NRXN1: variants seen among roughly 807,000 people sequenced by gnomAD.
NRXN1 encodes the protein neurexin-1.
In NRXN1, 39 loss-of-function variants were observed where a neutral mutation model predicts 150.9. The observed-to-expected ratio is 0.26, with a 90% CI of 0.20 to 0.34. The LOEUF is 0.34. NRXN1 is among the 10% of genes least tolerant of loss of function. The pLI is 1.00. For synonymous variants in NRXN1, 924 were observed against 757.0 expected, an observed-to-expected ratio of 1.22 and a Z score of -3.62; for missense variants, 1,815 against 1,949.9, an observed-to-expected ratio of 0.93 and a Z score of 1.30.
intron 21 of NRXN1, among the ~76,000 whole-genome samples, chr2:49,958,883 A>G (rs1401584857): frequency 6.6e-6 from 1 of 152,124 alleles, no homozygotes; most frequent in Admixed American, 6.6e-5. Context: ...CTGGAAATCC[A>G]GATAATCAAA....
At chr2:50,047,238 C>T (rs1437423109) in intron 21 of NRXN1, among the ~76,000 whole-genome samples, 3 of 151,902 alleles carry the variant, frequency 2.0e-5, no homozygotes, top group African/African-American at 2.4e-5. Context: ...GGTAAGTTAG[C>T]TTTTCTATGC....
chr2:50,617,549 G>C (rs988840534), intron 8 of NRXN1, among the ~76,000 whole-genome samples: 2 of 152,090 alleles, frequency 1.3e-5, no homozygotes, highest in African/African-American at 4.8e-5. Flanking sequence ...GATTACACAA[G>C]TCAAGAAAAA....
chr2:50,025,626 T>C (rs2152563295), intron 21 of NRXN1, among the ~76,000 whole-genome samples: 1 of 152,316 alleles, frequency 6.6e-6, no homozygotes, highest in African/African-American at 2.4e-5. Flanking sequence ...TTGAAAATGC[T>C]TTGGGGTATC....
intron 5 of NRXN1, among the ~76,000 whole-genome samples, chr2:50,851,521 T>A (rs1674518474): frequency 6.6e-6 from 1 of 152,124 alleles, no homozygotes; most frequent in Non-Finnish European, 1.5e-5. Flanking sequence ...CCACATGTTG[T>A]ACACACTAAG....
At chr2:49,974,018 G>C (rs1453990384) in intron 21 of NRXN1, 23 of 717,268 alleles carry the variant, frequency 3.2e-5, no homozygotes, top group Non-Finnish European at 5.7e-5. Context: ...TGGCTACCCT[G>C]CGTGCTTAGA....
At chr2:50,394,154 C>G (rs2081915631) in intron 17 of NRXN1, among the ~76,000 whole-genome samples, 1 of 152,054 alleles carries the variant, frequency 6.6e-6, no homozygotes, top group Non-Finnish European at 1.5e-5. Flanking sequence ...CATATCTCTT[C>G]CCCATCTAAA....
chr2:50,165,770 A>G (rs2059643311), intron 18 of NRXN1, among the ~76,000 whole-genome samples: 1 of 152,184 alleles, frequency 6.6e-6, no homozygotes, highest in Admixed American at 6.5e-5. Flanking sequence ...ACTTTTAGAA[A>G]TGATGTCAAA....
intron 17 of NRXN1, among the ~76,000 whole-genome samples, chr2:50,411,182 A>T (rs1373218005): frequency 6.6e-6 from 1 of 151,832 alleles, no homozygotes; most frequent in African/African-American, 2.4e-5. Context: ...GCGCGCCTCC[A>T]CGCCTGACTG....
intron 13 of NRXN1, among the ~76,000 whole-genome samples, chr2:50,498,378 T>C (rs903300562): frequency 1.3e-4 from 20 of 152,202 alleles, no homozygotes; most frequent in Non-Finnish European, 2.5e-4. Flanking sequence ...TCTTCACCTA[T>C]GCCTTTTTTT....
intron 2 of NRXN1, among the ~76,000 whole-genome samples, chr2:50,996,035 C>T (rs997455380): frequency 6.6e-5 from 10 of 151,988 alleles, no homozygotes; most frequent in African/African-American, 2.4e-5. Context: ...AAAAGTCTTG[C>T]CTACGTGGAA....
intron 17 of NRXN1, among the ~76,000 whole-genome samples, chr2:50,365,128 A>G (rs1172043840): frequency 1.3e-5 from 2 of 151,926 alleles, no homozygotes. Context: ...TCTTTTTTTC[A>G]GTAAAAGTAT....
rs192259910 is a variant in NRXN1, at chr2:50,118,016, A to G, written c.3547-26522T>C. On this transcript the variant is annotated intron_variant, in intron 18 of 22. Coordinates refer to ENST00000401669, the MANE Select transcript of NRXN1 (RefSeq NM_001330078.2). ...TAAAGACCTAGGTTTTCTTCCTTCT[A>G]TTGTAAGAACTATGTCCTCTTCAAG... Among the ~76,000 whole-genome samples, 40 of 152,246 alleles carry G rather than the reference A, an allele frequency of 2.6e-4. 1 individual carries two copies. The highest frequency in any genetic ancestry group is 1.2e-3 in the Admixed American group (19 of 15,276).
intron 2 of NRXN1, among the ~76,000 whole-genome samples, chr2:50,951,678 G>A (rs1691359147): frequency 6.6e-6 from 1 of 151,940 alleles, no homozygotes; most frequent in African/African-American, 2.4e-5. Context: ...GTGTGCAAAT[G>A]TAGCTTCATA....
rs564527766 is a variant in NRXN1 at position 51,006,988 on chromosome 2, A to T, written c.772+20514T>A. 8.6e-3 allele frequency among the ~76,000 whole-genome samples: 1,306 copies of T among 152,006 alleles called. 22 individuals are homozygous for T. The highest frequency in any genetic ancestry group is 0.029 in the African/African-American group (1,220 of 41,522). ...TATTCACCTATAATCTATGAACACCAATAGAGCAGTGACCTGCCTATCTGA... is the reference window on the plus strand; with the variant it reads ...TATTCACCTATAATCTATGAACACCTATAGAGCAGTGACCTGCCTATCTGA... On this transcript the variant is annotated intron_variant, in intron 2 of 22. Coordinates refer to ENST00000401669, the MANE Select transcript of NRXN1 (RefSeq NM_001330078.2).
chr2:50,241,304 C>A (rs1233750120), intron 17 of NRXN1, among the ~76,000 whole-genome samples: 1 of 151,602 alleles, frequency 6.6e-6, no homozygotes, highest in Non-Finnish European at 1.5e-5. Flanking sequence ...TTTATCTTTA[C>A]AGAAACATGT....
chr2:50,297,188 T>TGGTTTGATTCTTTTTAATG (rs2073689393), intron 17 of NRXN1, among the ~76,000 whole-genome samples: 1 of 152,078 alleles, frequency 6.6e-6, no homozygotes, highest in East Asian at 1.9e-4. Context: ...CGCACCCGGC[T>TGGTTTGATTCTTTTTAATG]GGTTTGATTC....
intron 2 of NRXN1, among the ~76,000 whole-genome samples, chr2:50,958,283 A>G (rs371026359): frequency 2.0e-5 from 3 of 152,122 alleles, no homozygotes; most frequent in East Asian, 3.9e-4. Flanking sequence ...CTTTCTGTGT[A>G]CCCAGTAGAA....
chr2:49,985,456 G>A (rs1020033727), intron 21 of NRXN1, among the ~76,000 whole-genome samples: 9 of 152,082 alleles, frequency 5.9e-5, no homozygotes, highest in Non-Finnish European at 1.3e-4. Context: ...TGGAAAAGAC[G>A]CTACTATGTT....
chr2:50,623,455 G>A lies in NRXN1; in HGVS notation c.993C>T (p.Val331=). 6.2e-7 allele frequency: 1 copy of A among 1,613,440 alleles called. No homozygotes were observed. Among genetic ancestry groups the A allele is most frequent in the East Asian group, 2.2e-5 (1 of 44,862 alleles). The change falls in exon 6 of 23, where the codon GTC becomes GTT. Residue 331 remains valine (V), a synonymous_variant. Transcript: ENST00000401669. ...MLHTGKSADY[V]NLALKNGAVS... ...CAGCTCCATTTTTCAGGGCAAGATT[G>A]ACATAATCAGCCGATTTCCCAGTGT...
Sources: allele counts gnomAD v4.1 joint callset (sites outside exome capture counted in the v4.1 genomes callset), GRCh38; gene constraint gnomAD v4.1.1; transcripts MANE v1.5; gene names NCBI Gene and HGNC (gene_info 2026-07-23, HGNC 2026-07-21).